The following FARP1 variants were observed in gnomAD, a reference collection of about 807,000 sequenced individuals.
FARP1 encodes the protein FERM, ARHGEF and pleckstrin domain-containing protein 1.
In FARP1, 52 loss-of-function variants were observed where a neutral mutation model predicts 128.8. The observed-to-expected ratio is 0.40, with a 90% confidence interval of 0.32 to 0.51. The LOEUF (loss-of-function observed/expected upper bound fraction) is 0.51. FARP1 is among the 20% of genes least tolerant of loss of function. FARP1 has a pLI of 0.45. For synonymous variants in FARP1, 580 were observed against 551.8 expected (o/e 1.05, Z -0.72); for missense variants, 1,333 against 1,367.9 (o/e 0.97, Z 0.40).
intron 2 of FARP1, among the ~76,000 whole-genome samples, chr13:98,262,201 A>T (rs1468874899): frequency 2.0e-5 from 3 of 146,852 alleles, no homozygotes; most frequent in Non-Finnish European, 3.0e-5. Flanking sequence ...TTTTTTTTTT[A>T]AAGAAACATG....
Position 98,182,568 on chromosome 13 carries a change from CT to C in FARP1, c.-23-30651del, listed in dbSNP as rs200267662. Among the ~76,000 whole-genome samples, 891 of 152,316 alleles carry C rather than the reference CT, an allele frequency of 5.8e-3. 3 individuals carry two copies. Among genetic ancestry groups the C allele is most frequent in the Non-Finnish European group, 9.2e-3 (624 of 68,028 alleles). ...TCTCAAACTCCCGGGCTTTAGTGAT[CT>C]ACCTGCCTTGGCCTTCCAAAGTGCT... On this transcript the variant is annotated intron_variant, in intron 1 of 26. Transcript: ENST00000319562.
chr13:98,330,961 C>T (rs1378343016), intron 2 of FARP1, among the ~76,000 whole-genome samples: 1 of 152,098 alleles, frequency 6.6e-6, no homozygotes, highest in East Asian at 1.9e-4. Flanking sequence ...AGCCTCATTT[C>T]CAGAGTGCCC....
intron 1 of FARP1, among the ~76,000 whole-genome samples, chr13:98,158,172 T>A (rs570509407): frequency 1.3e-5 from 2 of 152,230 alleles, no homozygotes; most frequent in Non-Finnish European, 2.9e-5. Context: ...TCCCACAAAT[T>A]TTTATTGCTT....
chr13:98,178,155 C>A (rs1209078443), intron 1 of FARP1, among the ~76,000 whole-genome samples: 5 of 151,658 alleles, frequency 3.3e-5, no homozygotes. Flanking sequence ...CCCCTCCACA[C>A]GCCAATTCCT....
At position 98,442,730 on chromosome 13, in the gene FARP1, G is replaced by A. The variant is rs114212740; in HGVS notation, c.2796+1894G>A. Among the ~76,000 whole-genome samples, 568 of 152,336 alleles carry A rather than the reference G, an allele frequency of 3.7e-3. 2 individuals carry two copies. Among genetic ancestry groups the A allele is most frequent in the African/African-American group, 0.013 (543 of 41,572 alleles). Reference sequence around the variant, plus strand: ...GAAGCGGAGGAGCAGGGAAGAACCCGTGATAGGCTCATGGGAAACGAGGCC... The same window carrying A: ...GAAGCGGAGGAGCAGGGAAGAACCCATGATAGGCTCATGGGAAACGAGGCC... On this transcript the variant is annotated intron_variant, in intron 24 of 26. Transcript: ENST00000319562.
intron 17 of FARP1, among the ~76,000 whole-genome samples, chr13:98,429,432 G>T (rs560832606): frequency 2.1e-4 from 32 of 152,304 alleles, no homozygotes; most frequent in African/African-American, 7.7e-4. Flanking sequence ...CATTCAAGGG[G>T]CTCAACTCAC....
chr13:98,250,490 A>G (rs1004689100), intron 2 of FARP1, among the ~76,000 whole-genome samples: 2 of 152,196 alleles, frequency 1.3e-5, no homozygotes, highest in African/African-American at 4.8e-5. Flanking sequence ...TGGGAGGCCG[A>G]GGCGGGTGGA....
chr13:98,395,937 G>A (rs1258338451), intron 13 of FARP1: 8 of 399,266 alleles, frequency 2.0e-5, no homozygotes, highest in Non-Finnish European at 2.7e-5. Context: ...GCTATGTTTC[G>A]GAAAATGGAC....
chr13:98,230,229 G>A (rs1359133644), intron 2 of FARP1, among the ~76,000 whole-genome samples: 4 of 152,152 alleles, frequency 2.6e-5, no homozygotes, highest in Non-Finnish European at 2.9e-5. Context: ...AGTATAAGAG[G>A]TTTTGGCATC....
At chr13:98,307,441 G>T (rs943236983) in intron 2 of FARP1, among the ~76,000 whole-genome samples, 1 of 152,032 alleles carries the variant, frequency 6.6e-6, no homozygotes, top group African/African-American at 2.4e-5. Context: ...CTTGACCTCT[G>T]ACTTGCCCAT....
intron 5 of FARP1, among the ~76,000 whole-genome samples, chr13:98,373,686 A>G (rs1422634060): frequency 6.6e-6 from 1 of 152,076 alleles, no homozygotes; most frequent in Non-Finnish European, 1.5e-5. Context: ...TCTGTAGGGC[A>G]CTTTTTGCTG....
At chr13:98,216,564 T>C (rs1345383515) in intron 2 of FARP1, among the ~76,000 whole-genome samples, 1 of 152,188 alleles carries the variant, frequency 6.6e-6, no homozygotes, top group Non-Finnish European at 1.5e-5. Context: ...TTCCTGGGCC[T>C]TTGCTTATTA....
chr13:98,281,441 C>T (rs544232099), intron 2 of FARP1, among the ~76,000 whole-genome samples: 20 of 152,102 alleles, frequency 1.3e-4, no homozygotes, highest in Non-Finnish European at 2.5e-4. Flanking sequence ...TCTTGTATGT[C>T]TATTCATTTC....
intron 1 of FARP1, among the ~76,000 whole-genome samples, chr13:98,146,148 G>T (rs1875536693): frequency 6.6e-6 from 1 of 152,214 alleles, no homozygotes; most frequent in Non-Finnish European, 1.5e-5. Context: ...GTTTCTGCAG[G>T]CAGAATATGC....
intron 2 of FARP1, among the ~76,000 whole-genome samples, chr13:98,335,511 G>T (rs541217466): frequency 6.6e-6 from 1 of 152,212 alleles, no homozygotes; most frequent in Admixed American, 6.5e-5. Flanking sequence ...ACAACACATG[G>T]GAATCTACAA....
In FARP1 at chr13:98,453,245, T is replaced by A. The variant is rs1218597398; in HGVS notation, c.*4928T>A. 6.2e-7 allele frequency: 1 copy of A among 1,602,750 alleles called. No individual in the cohort carries two copies. The highest frequency in any genetic ancestry group is 1.7e-5 in the Admixed American group (1 of 58,226). On this transcript the variant is annotated 3_prime_UTR_variant, in exon 27 of 27. Coordinates refer to ENST00000319562, the MANE Select transcript of FARP1 (RefSeq NM_005766.4). ...AGAGAGAGAGAGAAGTCAACACATG[T>A]CATTTCTCATCCCTGTGCAAAAATT... is the stretch of plus-strand genomic sequence containing the variant.
intron 16 of FARP1, among the ~76,000 whole-genome samples, chr13:98,414,923 G>T (rs189687225): frequency 3.3e-5 from 5 of 152,224 alleles, no homozygotes; most frequent in African/African-American, 4.8e-5. Flanking sequence ...AAGGGCATAC[G>T]CATCTTCTTA....
At chr13:98,442,707 A>C (rs9517297) in intron 24 of FARP1, among the ~76,000 whole-genome samples, 111,945 of 152,118 alleles carry the variant, frequency 0.74, 41,811 homozygotes, top group Non-Finnish European at 0.81. Context: ...AGACCCCCGA[A>C]GCGGAGGAGC....
rs562753199 is a variant in FARP1, at chr13:98,289,249, G to A, written c.172-54513G>A. ...CCGATCATACCTTTCTTCCCTTAAA[G>A]AAACAATTAATGTTAATGTTATTGT... On this transcript the variant is annotated intron_variant, in intron 2 of 26. Coordinates refer to ENST00000319562, the MANE Select transcript of FARP1 (RefSeq NM_005766.4). 8.6e-5 allele frequency among the ~76,000 whole-genome samples: 13 copies of A among 151,888 alleles called. No homozygotes were observed. In the East Asian group the frequency reaches 2.5e-3, roughly 29 times the overall value.
Sources: gnomAD v4.1 joint callset for allele counts (sites outside exome capture counted in the v4.1 genomes callset) on GRCh38, gnomAD v4.1.1 for gene constraint, MANE v1.5 for transcripts, NCBI Gene and HGNC (gene_info 2026-07-23, HGNC 2026-07-21) for gene names.